SERINC1: variants seen among roughly 807,000 people sequenced by gnomAD.
SERINC1 encodes tumor differentially expressed protein 2.
In SERINC1, 38 loss-of-function variants were observed where a neutral mutation model predicts 52.9. That is an observed-to-expected ratio of 0.72 (90% CI 0.55 to 0.94). The LOEUF is 0.94. Ranked by LOEUF, SERINC1 falls within the 40% of genes least tolerant of loss-of-function variation. The pLI, the probability that SERINC1 is intolerant of heterozygous loss-of-function variation, is 0.00. For synonymous variants in SERINC1, 198 were observed against 183.1 expected (o/e 1.08, Z -0.66); for missense variants, 471 against 533.9 (o/e 0.88, Z 1.16).
At chr6:122,464,169 C>T (rs9968861) in intron 1 of SERINC1, among the ~76,000 whole-genome samples, 2,323 of 152,022 alleles carry the variant, frequency 0.015, 69 homozygotes, top group African/African-American at 0.054. Context: ...TTAGGATGAT[C>T]GATGTTCCAA....
intron 7 of SERINC1, among the ~76,000 whole-genome samples, chr6:122,450,014 CAAAAA>C (rs1287176271): frequency 6.6e-6 from 1 of 151,724 alleles, no homozygotes; most frequent in African/African-American, 2.4e-5. Flanking sequence ...AACTCCATCT[CAAAAA>C]AATAAAAATA....
intron 1 of SERINC1, among the ~76,000 whole-genome samples, chr6:122,467,102 G>GA (rs949045060): frequency 5.9e-5 from 9 of 151,552 alleles, no homozygotes; most frequent in African/African-American, 2.2e-4. Context: ...AAGCAATGAA[G>GA]AAAAAAAGGG....
intron 2 of SERINC1, among the ~76,000 whole-genome samples, 166 bp from the exon 3 acceptor site, chr6:122,456,816 C>G (rs1775005284): frequency 6.6e-6 from 1 of 152,088 alleles, no homozygotes; most frequent in Admixed American, 6.5e-5. Flanking sequence ...TAATCACATA[C>G]AGTGGGGAAA....
Position 122,446,998 on chromosome 6 carries a change from A to G in SERINC1, c.1002T>C (p.Arg334=), listed in dbSNP as rs781424524. 1.9e-6 allele frequency: 3 copies of G among 1,606,268 alleles called. No individual in the cohort carries two copies. In the South Asian group the frequency reaches 3.3e-5, roughly 18 times the overall value. ...TATTAACCTGACTATTGTTTGAAGT[A>G]CGGATGCTGTATGAAAGAGAGTTTA... ...FLLCVFYSSI[R]TSNNSQVNKL... is the part of the protein sequence containing the mutation. The change falls in exon 9 of 10, where the codon CGT becomes CGC. Residue 334 remains arginine (R), a synonymous_variant. Transcript: ENST00000339697.
In SERINC1 at chr6:122,458,617, G is replaced by A. The variant is rs1420339096; in HGVS notation, c.104C>T (p.Ser35Phe). 6.2e-7 allele frequency: 1 copy of A among 1,612,458 alleles called. No homozygotes were observed. Among genetic ancestry groups the A allele is most frequent in the African/African-American group, 1.3e-5 (1 of 74,872 alleles). ...TGCATAGATCAATCTAGTTACAGTG[G>A]AGTTGTTTCCACTAGGACAGCATCG... is the stretch of plus-strand genomic sequence containing the variant. Reference protein sequence around the residue: ...LCRCCPSGNNSTVTRLIYALF... With the variant: ...LCRCCPSGNNFTVTRLIYALF... The change falls in exon 2 of 10, where the codon TCC becomes TTC. Residue 35 changes from serine to phenylalanine, a missense_variant. Coordinates refer to ENST00000339697, the MANE Select transcript of SERINC1 (RefSeq NM_020755.4).
At chr6:122,453,930 A>C in intron 4 of SERINC1, 23 bp from the exon 5 acceptor site, 2 of 1,559,834 alleles carry the variant, frequency 1.3e-6, no homozygotes, top group Non-Finnish European at 1.7e-6. Flanking sequence ...GAAAGCATAC[A>C]TAAGTGATTG....
chr6:122,451,783 ATATATATATATAG>A, intron 6 of SERINC1, 29 bp from the exon 7 acceptor site: 1 of 448,254 alleles, frequency 2.2e-6, no homozygotes, highest in Non-Finnish European at 3.4e-6. Flanking sequence ...AAAAATATAT[ATATATATATATAG>A]CAACACAGGT....
At chr6:122,449,033 C>T (rs1001782270) in intron 7 of SERINC1, among the ~76,000 whole-genome samples, 1 of 152,078 alleles carries the variant, frequency 6.6e-6, no homozygotes, top group South Asian at 2.1e-4. Context: ...CTTTCGGGCA[C>T]CACAAATCAC....
At chr6:122,460,145 C>A (rs1033929995) in intron 1 of SERINC1, among the ~76,000 whole-genome samples, 1 of 152,182 alleles carries the variant, frequency 6.6e-6, no homozygotes, top group African/African-American at 2.4e-5. Context: ...CAGCTCACTG[C>A]AACCTTCCCC....
intron 1 of SERINC1, 65 bp downstream of exon 1, chr6:122,471,634 G>A (rs1257759641): frequency 1.1e-5 from 18 of 1,606,934 alleles, no homozygotes; most frequent in Non-Finnish European, 1.4e-5. Context: ...ACCCAGCCCC[G>A]GCTCGGATCG....
chr6:122,443,921 G>A lies in SERINC1; in HGVS notation c.*1123C>T, dbSNP rs1774711823. Reference sequence around the variant, plus strand: ...TTTTTTAAATGAGAGAACTGGACTAGATTTTATATAAGTACCTACTAAAGC... The same window carrying A: ...TTTTTTAAATGAGAGAACTGGACTAAATTTTATATAAGTACCTACTAAAGC... On this transcript the variant is annotated 3_prime_UTR_variant, in exon 10 of 10. Coordinates refer to ENST00000339697, the MANE Select transcript of SERINC1 (RefSeq NM_020755.4). 1 of 152,112 alleles carries A rather than the reference G, an allele frequency of 6.6e-6. No individual in the cohort carries two copies. Among genetic ancestry groups the A allele is most frequent in the South Asian group, 2.1e-4 (1 of 4,830 alleles). The allele number at this position is 152,112 out of a possible 1,614,324, so 9.4% of individuals were successfully genotyped here.
chr6:122,467,328 G>A (rs1775207369), intron 1 of SERINC1, among the ~76,000 whole-genome samples: 1 of 152,178 alleles, frequency 6.6e-6, no homozygotes, highest in Non-Finnish European at 1.5e-5. Context: ...AAATAGGCTG[G>A]GTGCGGTGGC....
intron 3 of SERINC1, among the ~76,000 whole-genome samples, chr6:122,455,499 T>A (rs772586814): frequency 6.6e-6 from 1 of 152,152 alleles, no homozygotes; most frequent in Non-Finnish European, 1.5e-5. Flanking sequence ...CTCCAAGTTC[T>A]TCAGTTTTGG....
At chr6:122,463,442 G>T (rs974721902) in intron 1 of SERINC1, among the ~76,000 whole-genome samples, 1 of 152,070 alleles carries the variant, frequency 6.6e-6, no homozygotes, top group Non-Finnish European at 1.5e-5. Context: ...GAAAATACTT[G>T]CAAGTGAGGT....
At chr6:122,451,428 T>C (rs1035687059) in intron 7 of SERINC1, among the ~76,000 whole-genome samples, 1 of 152,146 alleles carries the variant, frequency 6.6e-6, no homozygotes, top group Non-Finnish European at 1.5e-5. Context: ...GCTTGTTTCA[T>C]TGTGGTGCTC....
At position 122,458,531 on chromosome 6, in the gene SERINC1, G is replaced by T. The variant is rs769815062; in HGVS notation, c.190C>A (p.Gln64Lys). Residue 64 changes from glutamine (Q) to lysine (K), a missense_variant, in exon 2 of 10, where the codon CAA becomes AAA. Transcript: ENST00000339697. ...GAAACGAGACTAACCTTATTCAGTT[G>T]TTCTTCCATTCCTGGTATCAACATT... is the stretch of plus-strand genomic sequence containing the variant. ...CVMLIPGMEE[Q>K]LNKIPGFCEN... 6.2e-7 allele frequency: 1 copy of T among 1,611,912 alleles called. No homozygotes were observed. Among genetic ancestry groups the T allele is most frequent in the Non-Finnish European group, 8.5e-7 (1 of 1,178,362 alleles).
intron 1 of SERINC1, 71 bp from the exon 2 acceptor site, chr6:122,458,752 G>A: frequency 9.5e-7 from 1 of 1,054,990 alleles, no homozygotes; most frequent in Non-Finnish European, 1.4e-6. Flanking sequence ...ATGATACAAT[G>A]AAAATTGACA....
Position 122,445,170 on chromosome 6 carries a change from G to C in SERINC1, c.1236C>G (p.Pro412=). The change falls in exon 10 of 10, where the codon CCC becomes CCG. Residue 412 remains proline (P), a synonymous_variant. Transcript: ENST00000339697. ...MTLTNWYRYE[P]SREMKSQWTA... is the part of the protein sequence containing the mutation. Reference sequence around the variant, plus strand: ...TCCACTGACTTTTCATCTCACGAGAGGGTTCATACCTAAAATTTCAGGGAA... The same window carrying C: ...TCCACTGACTTTTCATCTCACGAGACGGTTCATACCTAAAATTTCAGGGAA... The C allele has an allele frequency of 6.2e-7, 1 of 1,612,932 alleles. No individual in the cohort carries two copies. Among genetic ancestry groups the C allele is most frequent in the Non-Finnish European group, 8.5e-7 (1 of 1,179,722 alleles).
At position 122,471,780 on chromosome 6, in the gene SERINC1, A is replaced by G; in HGVS notation, c.-43T>C. On this transcript the variant is annotated 5_prime_UTR_variant, in exon 1 of 10. Transcript: ENST00000339697. Reference sequence around the variant, plus strand: ...AGCAGCGGATACAGACAAGATGGAGACAGCTTCTTTCTCGCCTTTCCGAGA... The same window carrying G: ...AGCAGCGGATACAGACAAGATGGAGGCAGCTTCTTTCTCGCCTTTCCGAGA... 6.2e-7 allele frequency: 1 copy of G among 1,613,182 alleles called. No individual in the cohort carries two copies. The highest frequency in any genetic ancestry group is 1.7e-4 in the Middle Eastern group (1 of 6,058).
Sources: gnomAD v4.1 joint callset for allele counts (sites outside exome capture counted in the v4.1 genomes callset) on GRCh38, gnomAD v4.1.1 for gene constraint, MANE v1.5 for transcripts, NCBI Gene and HGNC (gene_info 2026-07-23, HGNC 2026-07-21) for gene names.